Variants in RAD51B observed in about 807,000 individuals in gnomAD.
RAD51B encodes the protein DNA repair protein RAD51 homolog 2.
RAD51B carries 38 observed loss-of-function variants against 42.2 expected under a neutral mutation model. The ratio of observed to expected loss-of-function variants is 0.90; its 90% CI spans 0.70 to 1.18. The LOEUF (loss-of-function observed/expected upper bound fraction) is 1.18, where lower values mean the gene tolerates loss of function less well. Ranked by LOEUF, RAD51B falls within the 50% of genes most tolerant of loss-of-function variation. The pLI is 0.00. For synonymous variants in RAD51B, 154 were observed against 145.2 expected, an observed-to-expected ratio of 1.06 and a Z score of -0.43; for missense variants, 373 against 400.7, an observed-to-expected ratio of 0.93 and a Z score of 0.59.
chr14:68,031,371 C>T (rs1441218382), intron 7 of RAD51B, among the ~76,000 whole-genome samples: 1 of 152,152 alleles, frequency 6.6e-6, no homozygotes, highest in Non-Finnish European at 1.5e-5. Context: ...GGGATGATTA[C>T]AATTCAAGGT....
At chr14:68,529,477 C>T (rs148920901) in intron 10 of RAD51B, among the ~76,000 whole-genome samples, 3 of 152,342 alleles carry the variant, frequency 2.0e-5, no homozygotes, top group African/African-American at 7.2e-5. Flanking sequence ...CGTTGAAAAA[C>T]AGCTGCTGAT....
intron 7 of RAD51B, among the ~76,000 whole-genome samples, chr14:67,938,124 G>T (rs148833828): frequency 6.6e-6 from 1 of 152,296 alleles, no homozygotes; most frequent in East Asian, 1.9e-4. Context: ...TTTACAGTGT[G>T]AGAACTAATT....
intron 5 of RAD51B, among the ~76,000 whole-genome samples, chr14:67,879,453 T>C (rs562022668): frequency 5.9e-5 from 9 of 152,228 alleles, no homozygotes; most frequent in Non-Finnish European, 1.3e-4. Flanking sequence ...TTTTTGTTTT[T>C]TTTTTAAGAG....
chr14:68,105,058 C>T (rs1415657684), intron 7 of RAD51B, among the ~76,000 whole-genome samples: 2 of 151,604 alleles, frequency 1.3e-5, no homozygotes, highest in Non-Finnish European at 2.9e-5. Context: ...GAGATTGAAA[C>T]AGTTGGAGAA....
chr14:67,950,552 A>G (rs906163681), intron 7 of RAD51B, among the ~76,000 whole-genome samples: 3 of 152,228 alleles, frequency 2.0e-5, no homozygotes, highest in South Asian at 2.1e-4. Context: ...CTTATCAGCA[A>G]TAAGACTGTT....
chr14:68,539,424 G>A (rs1020701913), intron 10 of RAD51B, among the ~76,000 whole-genome samples: 134 of 152,090 alleles, frequency 8.8e-4, no homozygotes, highest in African/African-American at 3.1e-3. Context: ...CCCCTCCTCC[G>A]CCTGCCTCTC....
chr14:67,907,408 C>A (rs942001615), intron 7 of RAD51B, among the ~76,000 whole-genome samples: 4 of 152,010 alleles, frequency 2.6e-5, no homozygotes, highest in African/African-American at 9.7e-5. Flanking sequence ...CTTAAAACAA[C>A]AATTATAATT....
intron 10 of RAD51B, among the ~76,000 whole-genome samples, chr14:68,560,407 AC>A (rs1889082761): frequency 6.6e-6 from 1 of 151,970 alleles, no homozygotes. Flanking sequence ...GAGTCTGGGG[AC>A]TTGGGGGCTG....
chr14:68,564,028 TG>T (rs1306935478), intron 10 of RAD51B: 31 of 782,310 alleles, frequency 4.0e-5, no homozygotes, highest in Non-Finnish European at 4.6e-5. Flanking sequence ...TCGGAACAGC[TG>T]GCCGCACTAG....
rs115779869 is a variant in RAD51B, at chr14:68,571,376, A to G, written c.1037-23109A>G. Among the ~76,000 whole-genome samples, 902 of 152,344 alleles carry G rather than the reference A, an allele frequency of 5.9e-3. 8 individuals carry two copies. The highest frequency in any genetic ancestry group is 0.02 in the African/African-American group (850 of 41,578). ...TCACTGAGCTAAAATCAGTGTCGTC[A>G]GGGCAGTGTTCCCTTCTGGAGGCTG... On this transcript the variant is annotated intron_variant, in intron 10 of 10. Transcript: ENST00000487270.
intron 7 of RAD51B, among the ~76,000 whole-genome samples, chr14:68,270,990 C>G (rs1048345992): frequency 6.6e-6 from 1 of 152,198 alleles, no homozygotes; most frequent in African/African-American, 2.4e-5. Flanking sequence ...CATATGTGTA[C>G]TGTCCTCTGC....
chr14:68,307,347 T>C (rs2081888465), intron 8 of RAD51B, among the ~76,000 whole-genome samples: 1 of 152,242 alleles, frequency 6.6e-6, no homozygotes. Context: ...AAAAGGAAGC[T>C]ATTGGCTCCT....
chr14:68,070,425 G>A (rs917361541), intron 7 of RAD51B, among the ~76,000 whole-genome samples: 10 of 152,062 alleles, frequency 6.6e-5, no homozygotes, highest in African/African-American at 2.4e-4. Flanking sequence ...TTACATTTAA[G>A]TCTTTAATCC....
intron 3 of RAD51B, among the ~76,000 whole-genome samples, chr14:67,831,464 T>C (rs544045385): frequency 6.6e-6 from 1 of 152,296 alleles, no homozygotes; most frequent in Non-Finnish European, 1.5e-5. Context: ...AAATTGGTAG[T>C]GTCATATCAC....
rs115464308 is a variant in RAD51B at position 68,362,298 on chromosome 14, A to T, written c.854-49126A>T. Among the ~76,000 whole-genome samples the T allele has an allele frequency of 2.9e-3, 437 of 152,310 alleles. 1 individual carries two copies. Among genetic ancestry groups the T allele is most frequent in the African/African-American group, 0.01 (418 of 41,572 alleles). ...TCCTAAAAGAGAGTAAGCCAAGAAAAATATGTTAATTATTACAGCAACTAA... is the reference window on the plus strand; with the variant it reads ...TCCTAAAAGAGAGTAAGCCAAGAAATATATGTTAATTATTACAGCAACTAA... On this transcript the variant is annotated intron_variant, in intron 8 of 10. Coordinates refer to ENST00000471583, the MANE Select transcript of RAD51B (RefSeq NM_133510.4).
chr14:68,454,360 A>G (rs1040569870), intron 9 of RAD51B, among the ~76,000 whole-genome samples: 3 of 152,344 alleles, frequency 2.0e-5, no homozygotes, highest in African/African-American at 7.2e-5. Flanking sequence ...AAAACTTAAA[A>G]AAAACTTCTT....
chr14:68,112,747 G>C (rs1421152332), intron 7 of RAD51B, among the ~76,000 whole-genome samples: 1 of 151,994 alleles, frequency 6.6e-6, no homozygotes, highest in African/African-American at 2.4e-5. Context: ...AGTCTTCTTT[G>C]GTCATACAAA....
At chr14:68,508,506 G>T (rs139350908) in intron 10 of RAD51B, among the ~76,000 whole-genome samples, 1 of 152,196 alleles carries the variant, frequency 6.6e-6, no homozygotes, top group African/African-American at 2.4e-5. Context: ...GCAAGCCAGC[G>T]TGGCACCCTG....
At chr14:67,979,826 C>T (rs184220343) in intron 7 of RAD51B, among the ~76,000 whole-genome samples, 33 of 152,128 alleles carry the variant, frequency 2.2e-4, no homozygotes, top group Admixed American at 9.2e-4. Flanking sequence ...CTTCTGAGTA[C>T]ATGATAGATG....
Sources: gnomAD v4.1 joint callset for allele counts (sites outside exome capture counted in the v4.1 genomes callset) on GRCh38, gnomAD v4.1.1 for gene constraint, MANE v1.5 for transcripts, NCBI Gene and HGNC (gene_info 2026-07-23, HGNC 2026-07-21) for gene names.